Variants in CDH18 observed in about 807,000 individuals in gnomAD.
CDH18 encodes the protein cadherin 18, also known as cadherin-18.
A neutral mutation model predicts 67.9 loss-of-function variants in CDH18; 31 were observed. That is an observed-to-expected ratio of 0.46 (90% CI 0.34 to 0.62). The LOEUF (loss-of-function observed/expected upper bound fraction) is 0.62, where lower values mean the gene tolerates loss of function less well. Ranked by LOEUF, CDH18 falls within the 20% of genes least tolerant of loss-of-function variation. The probability of loss-of-function intolerance (pLI) is 0.01; values close to 1 mark genes in which losing one functional copy is unlikely to be tolerated. For synonymous variants in CDH18, 362 were observed against 347.2 expected, an observed-to-expected ratio of 1.04 and a Z score of -0.48; for missense variants, 890 against 975.5, an observed-to-expected ratio of 0.91 and a Z score of 1.17.
intron 2 of CDH18, among the ~76,000 whole-genome samples, chr5:19,859,236 C>T (rs371991327): frequency 4.4e-4 from 67 of 152,184 alleles, no homozygotes; most frequent in African/African-American, 1.5e-3. Flanking sequence ...ACTCTCCTCC[C>T]TTTGGAATTC....
intron 2 of CDH18, among the ~76,000 whole-genome samples, chr5:19,925,450 G>A (rs10941539): frequency 0.85 from 130,009 of 152,136 alleles, 56,557 homozygotes; most frequent in South Asian, 0.95. Context: ...TTGGGGAGAC[G>A]AACTCATCAC....
intron 2 of CDH18, among the ~76,000 whole-genome samples, chr5:19,842,490 T>G (rs1258402636): frequency 6.6e-6 from 1 of 152,200 alleles, no homozygotes; most frequent in Non-Finnish European, 1.5e-5. Context: ...TGCTTCCCAT[T>G]TTGCCATGAC....
At chr5:19,905,490 C>A (rs1441548939) in intron 2 of CDH18, among the ~76,000 whole-genome samples, 2 of 151,594 alleles carry the variant, frequency 1.3e-5, no homozygotes, top group Non-Finnish European at 2.9e-5. Context: ...ATATCCAATT[C>A]ATTAAAATAT....
intron 2 of CDH18, among the ~76,000 whole-genome samples, chr5:20,119,064 G>T (rs531589560): frequency 1.3e-5 from 2 of 152,176 alleles, no homozygotes; most frequent in African/African-American, 4.8e-5. Flanking sequence ...CAGATGATTA[G>T]CTCATCTTCC....
chr5:20,088,564 G>C (rs1380764885), intron 2 of CDH18, among the ~76,000 whole-genome samples: 1 of 152,192 alleles, frequency 6.6e-6, no homozygotes, highest in Non-Finnish European at 1.5e-5. Context: ...AAGCCAGCCT[G>C]TGTGGACATG....
chr5:20,114,198 A>C (rs1245998405), intron 2 of CDH18, among the ~76,000 whole-genome samples: 1 of 152,252 alleles, frequency 6.6e-6, no homozygotes, highest in African/African-American at 2.4e-5. Flanking sequence ...TCTGTCAAAT[A>C]AACTGTACCT....
chr5:20,559,272 A>G (rs1288686533), intron 1 of CDH18, among the ~76,000 whole-genome samples: 2 of 152,090 alleles, frequency 1.3e-5, no homozygotes, highest in Non-Finnish European at 2.9e-5. Flanking sequence ...TTCATCTCCT[A>G]TCTAATAGTG....
intron 1 of CDH18, among the ~76,000 whole-genome samples, chr5:20,509,407 C>CTTTTTTT (rs565488310): frequency 6.5e-5 from 9 of 139,334 alleles, no homozygotes; most frequent in African/African-American, 2.4e-4. Flanking sequence ...CAGGATTTCC[C>CTTTTTTT]TTTTTTTTTT....
intron 3 of CDH18, among the ~76,000 whole-genome samples, chr5:19,799,723 G>GTTTA (rs1296783489): frequency 6.6e-6 from 1 of 152,044 alleles, no homozygotes; most frequent in African/African-American, 2.4e-5. Flanking sequence ...GAACAATGAA[G>GTTTA]TTTAGTATGT....
At chr5:20,367,567 T>C (rs184333426) in intron 1 of CDH18, among the ~76,000 whole-genome samples, 13 of 152,334 alleles carry the variant, frequency 8.5e-5, no homozygotes, top group Admixed American at 7.8e-4. Flanking sequence ...ACAATATTTT[T>C]AGACAATATG....
At chr5:19,720,751 T>A (rs933972620) in intron 5 of CDH18, among the ~76,000 whole-genome samples, 5 of 152,182 alleles carry the variant, frequency 3.3e-5, no homozygotes, top group Admixed American at 2.0e-4. Context: ...TTTATATTTT[T>A]TCCTGAAAAA....
At chr5:19,683,707 G>C (rs1760661471) in intron 5 of CDH18, among the ~76,000 whole-genome samples, 1 of 151,980 alleles carries the variant, frequency 6.6e-6, no homozygotes, top group Admixed American at 6.6e-5. Flanking sequence ...AATTCATCTG[G>C]CTTCATCTTT....
At chr5:19,600,379 C>A (rs1746921056) in intron 6 of CDH18, among the ~76,000 whole-genome samples, 1 of 151,200 alleles carries the variant, frequency 6.6e-6, no homozygotes, top group African/African-American at 2.4e-5. Flanking sequence ...ATAAATAAGC[C>A]TCTAGAGTTT....
At chr5:19,562,933 T>C (rs1739706370) in intron 8 of CDH18, among the ~76,000 whole-genome samples, 1 of 152,122 alleles carries the variant, frequency 6.6e-6, no homozygotes, top group South Asian at 2.1e-4. Flanking sequence ...AATCAAGTAA[T>C]GTACATCTTT....
intron 12 of CDH18, among the ~76,000 whole-genome samples, chr5:19,480,129 T>C (rs922910633): frequency 1.3e-5 from 2 of 151,986 alleles, no homozygotes; most frequent in Non-Finnish European, 2.9e-5. Flanking sequence ...AGAGATCGAC[T>C]TTTAAGAGTA....
At chr5:19,772,378 C>A (rs575741395) in intron 3 of CDH18, among the ~76,000 whole-genome samples, 1 of 151,974 alleles carries the variant, frequency 6.6e-6, no homozygotes, top group Non-Finnish European at 1.5e-5. Flanking sequence ...GGCAGGAGAG[C>A]CAGAAGAAAC....
chr5:20,095,603 G>GAAGAAAGAAAGA (rs1745923619), intron 2 of CDH18, among the ~76,000 whole-genome samples: 2 of 141,728 alleles, frequency 1.4e-5, no homozygotes, highest in African/African-American at 5.5e-5. Flanking sequence ...AAAGAAGAAA[G>GAAGAAAGAAAGA]AAAGAAAAGA....
intron 5 of CDH18, among the ~76,000 whole-genome samples, chr5:19,641,474 A>T (rs1432234615): frequency 6.6e-6 from 1 of 152,070 alleles, no homozygotes; most frequent in East Asian, 1.9e-4. Context: ...TTAACAGCAC[A>T]TTAAAAGGGT....
At position 20,174,874 on chromosome 5, in the gene CDH18, T is replaced by C. The variant is rs905522160; in HGVS notation, c.-518+80570A>G. On this transcript the variant is annotated intron_variant, in intron 2 of 14. Coordinates refer to the CDH18 transcript ENST00000507958. The stretch of plus-strand genomic sequence containing the variant: ...ATTTTTATTGTGTTTTTACAACATA[T>C]TGTTATATAATGTTGACTTTTTTTG... Among the ~76,000 whole-genome samples, 6 of 152,250 alleles carry C rather than the reference T, an allele frequency of 3.9e-5. No individual in the cohort carries two copies. In the South Asian group the frequency reaches 1.2e-3, roughly 32 times the overall value.
Sources: allele counts gnomAD v4.1 joint callset (sites outside exome capture counted in the v4.1 genomes callset), GRCh38; gene constraint gnomAD v4.1.1; transcripts MANE v1.5; gene names NCBI Gene and HGNC (gene_info 2026-07-23, HGNC 2026-07-21).